The following NTF3 variants were observed in gnomAD, a reference collection of about 807,000 sequenced individuals.
NTF3 encodes the protein neurotrophin-3.
A neutral mutation model predicts 26.3 loss-of-function variants in NTF3; 8 were observed. The observed-to-expected ratio is 0.30, with a 90% CI of 0.18 to 0.55. The LOEUF is 0.55. Among genes scored for constraint, NTF3 ranks in the 20% least tolerant of loss-of-function variants. The pLI is 0.93. For synonymous variants in NTF3, 154 were observed against 145.5 expected, an observed-to-expected ratio of 1.06 and a Z score of -0.42; for missense variants, 276 against 352.9, an observed-to-expected ratio of 0.78 and a Z score of 1.75.
chr12:5,442,220 AG>A (rs1421633049), intron 1 of NTF3, among the ~76,000 whole-genome samples: 1 of 152,204 alleles, frequency 6.6e-6, no homozygotes, highest in Non-Finnish European at 1.5e-5. Context: ...GTTGTTTTTT[AG>A]TACAAACCAT....
chr12:5,488,918 A>G (rs1940900920), intron 1 of NTF3, among the ~76,000 whole-genome samples: 1 of 152,214 alleles, frequency 6.6e-6, no homozygotes, highest in Admixed American at 6.5e-5. Context: ...TTGAATTTGC[A>G]TATTAAAAAT....
At chr12:5,455,252 C>A (rs959832258) in intron 1 of NTF3, among the ~76,000 whole-genome samples, 1 of 152,204 alleles carries the variant, frequency 6.6e-6, no homozygotes, top group Admixed American at 6.5e-5. Flanking sequence ...CACACGCAAG[C>A]GTGCTACTCC....
At chr12:5,490,394 C>A (rs1017861543) in intron 1 of NTF3, among the ~76,000 whole-genome samples, 1 of 152,230 alleles carries the variant, frequency 6.6e-6, no homozygotes, top group Non-Finnish European at 1.5e-5. Flanking sequence ...AGAGAAGGCA[C>A]ACCAACAATA....
rs1293164852 is a variant in NTF3 at position 5,494,756 on chromosome 12, C to A, written c.581C>A (p.Thr194Lys). 6.2e-7 allele frequency: 1 copy of A among 1,614,126 alleles called. No homozygotes were observed. Among genetic ancestry groups the A allele is most frequent in the Admixed American group, 1.7e-5 (1 of 60,014 alleles). Reference protein sequence around the residue: ...HQVTVLGEIKTGNSPVKQYFY... With the variant: ...HQVTVLGEIKKGNSPVKQYFY... The stretch of plus-strand genomic sequence containing the variant: ...GTCACGGTGCTGGGGGAGATCAAAA[C>A]GGGCAACTCTCCCGTCAAACAATAT... Residue 194 changes from threonine (T) to lysine (K), a missense_variant, in exon 2 of 2, where the codon ACG becomes AAG. By Grantham distance (78) the Thr-to-Lys change is moderately conservative (BLOSUM62 -1). Coordinates refer to ENST00000423158, the MANE Select transcript of NTF3 (RefSeq NM_001102654.2). The surrounding 1 kb of genome is among the most constrained non-coding windows in gnomAD (Gnocchi z 8.3).
chr12:5,465,845 A>G lies in NTF3; in HGVS notation c.19-28349A>G, dbSNP rs80112313. Among the ~76,000 whole-genome samples, 1,413 of 152,320 alleles carry G rather than the reference A, an allele frequency of 9.3e-3. 23 individuals carry two copies. The highest frequency in any genetic ancestry group is 0.033 in the African/African-American group (1,354 of 41,572). On this transcript the variant is annotated intron_variant, in intron 1 of 1. Coordinates refer to ENST00000423158, the MANE Select transcript of NTF3 (RefSeq NM_001102654.2). ...CAGCTCCACCAAGGACTTGGCATCT[A>G]TCTTACTGCAGCATCCGTGCCTGTC...
chr12:5,453,673 T>C (rs562802530), intron 1 of NTF3, among the ~76,000 whole-genome samples: 1 of 152,362 alleles, frequency 6.6e-6, no homozygotes, highest in Admixed American at 6.5e-5. Context: ...TTGCCTAGTC[T>C]CATGCTCCTT....
chr12:5,442,444 A>G (rs1424467127), intron 1 of NTF3, among the ~76,000 whole-genome samples: 1 of 152,252 alleles, frequency 6.6e-6, no homozygotes, highest in Non-Finnish European at 1.5e-5. Context: ...GTAGGTGTGC[A>G]TGCTCACCAG....
intron 1 of NTF3, among the ~76,000 whole-genome samples, chr12:5,446,603 G>A (rs1051201855): frequency 2.0e-5 from 3 of 152,186 alleles, no homozygotes; most frequent in African/African-American, 7.2e-5. Context: ...CAGCCAGGGA[G>A]TAGAGGTTCA....
At position 5,433,173 on chromosome 12, in the gene NTF3, T is replaced by A. The variant is rs1328932121; in HGVS notation, c.18+831T>A. On this transcript the variant is annotated intron_variant, in intron 1 of 1. Transcript: ENST00000423158. This position sits in a 1 kb window ranked among gnomAD's most constrained non-coding sequence, Gnocchi z 4.6. ...TGGGCCTTTGCGCAGATGTTGGAGC[T>A]CCGTACGCAGCCCGCACATCTGGGA... 6.6e-6 allele frequency: 1 copy of A among 152,126 alleles called. No homozygotes were observed. The highest frequency in any genetic ancestry group is 1.5e-5 in the Non-Finnish European group (1 of 68,032). 9.4% of individuals were successfully genotyped at this position (152,126 alleles called of 1,614,324 possible).
chr12:5,485,363 C>T (rs552997223), intron 1 of NTF3, among the ~76,000 whole-genome samples: 3 of 152,242 alleles, frequency 2.0e-5, no homozygotes, highest in Admixed American at 6.5e-5. Flanking sequence ...AGAGATATTC[C>T]GCAGTATTAG....
intron 1 of NTF3, among the ~76,000 whole-genome samples, chr12:5,491,716 C>CT (rs5796156): frequency 0.24 from 23,680 of 98,218 alleles, 3,307 homozygotes; most frequent in Non-Finnish European, 0.27. Context: ...CTCTCCTCTT[C>CT]TTTTTTTTTT....
intron 1 of NTF3, among the ~76,000 whole-genome samples, chr12:5,481,962 C>A (rs569063474): frequency 6.6e-4 from 100 of 152,138 alleles, no homozygotes; most frequent in African/African-American, 2.4e-3. Context: ...ACAGCACACA[C>A]ACACACAGAG....
chr12:5,434,011 G>C lies in NTF3; in HGVS notation c.18+1669G>C, dbSNP rs553487938. On this transcript the variant is annotated intron_variant, in intron 1 of 1. Transcript: ENST00000423158. ...CAGCGAACGAGGAGAACATGGAAGC[G>C]CTCTGTCCTAAACGTCAGGATGGGA... Among the ~76,000 whole-genome samples the C allele has an allele frequency of 2.0e-5, 3 of 152,316 alleles. No individual in the cohort carries two copies. The East Asian group carries it at 5.8e-4, about 29-fold the overall frequency.
rs562244074 is a variant in NTF3, at chr12:5,471,812, T to A, written c.19-22382T>A. 7.9e-5 allele frequency among the ~76,000 whole-genome samples: 12 copies of A among 152,044 alleles called. No homozygotes were observed. The South Asian group carries it at 2.5e-3, about 32-fold the overall frequency. Reference sequence around the variant, plus strand: ...AGACAGATCTCTTCCTAGCAGAAAGTAGAAAGTGGGCTTCAGGCATCCTGG... The same window carrying A: ...AGACAGATCTCTTCCTAGCAGAAAGAAGAAAGTGGGCTTCAGGCATCCTGG... On this transcript the variant is annotated intron_variant, in intron 1 of 1. Coordinates refer to ENST00000423158, the MANE Select transcript of NTF3 (RefSeq NM_001102654.2).
chr12:5,475,699 G>A (rs1012325304), intron 1 of NTF3, among the ~76,000 whole-genome samples: 4 of 152,036 alleles, frequency 2.6e-5, no homozygotes, highest in Non-Finnish European at 4.4e-5. Context: ...AGCTGGGCTT[G>A]TGGTGCATTC....
At position 5,495,081 on chromosome 12, in the gene NTF3, G is replaced by A; in HGVS notation, c.*93G>A. 1 of 1,333,854 alleles carries A rather than the reference G, an allele frequency of 7.5e-7. No homozygotes were observed. The highest frequency in any genetic ancestry group is 1.0e-6 in the Non-Finnish European group (1 of 971,180). 82.6% of individuals were successfully genotyped at this position (1,333,854 alleles called of 1,614,324 possible). Reference sequence around the variant, plus strand: ...TTTATATTGTTTTTATATATTATAAGTTGACCTTTATTTATTAAACTTCAG... The same window carrying A: ...TTTATATTGTTTTTATATATTATAAATTGACCTTTATTTATTAAACTTCAG... On this transcript the variant is annotated 3_prime_UTR_variant, in exon 2 of 2. Coordinates refer to ENST00000423158, the MANE Select transcript of NTF3 (RefSeq NM_001102654.2).
rs114712123 is a variant in NTF3, at chr12:5,433,678, G to A, written c.18+1336G>A. The stretch of plus-strand genomic sequence containing the variant: ...CTGGAATCGAGGCTGGGGTGGGATT[G>A]CCGGTGGGGGAAACACCGAAAAGAT... On this transcript the variant is annotated intron_variant, in intron 1 of 1. Coordinates refer to ENST00000423158, the MANE Select transcript of NTF3 (RefSeq NM_001102654.2). This position sits in a 1 kb window ranked among gnomAD's most constrained non-coding sequence, Gnocchi z 4.6. 2.0e-3 allele frequency among the ~76,000 whole-genome samples: 299 copies of A among 152,246 alleles called. 2 individuals are homozygous for A. The highest frequency in any genetic ancestry group is 6.8e-3 in the African/African-American group (284 of 41,560).
chr12:5,492,258 C>T (rs1377652967), intron 1 of NTF3, among the ~76,000 whole-genome samples: 1 of 152,208 alleles, frequency 6.6e-6, no homozygotes, highest in African/African-American at 2.4e-5. Context: ...CTACCTGGGA[C>T]CTCCCCTCAC....
At chr12:5,464,818 A>C (rs1323119451) in intron 1 of NTF3, among the ~76,000 whole-genome samples, 1 of 152,164 alleles carries the variant, frequency 6.6e-6, no homozygotes, top group Non-Finnish European at 1.5e-5. Flanking sequence ...TATGTGCTTG[A>C]TATAGGTGTT....
Sources: allele counts gnomAD v4.1 joint callset (sites outside exome capture counted in the v4.1 genomes callset), GRCh38; gene constraint gnomAD v4.1.1; non-coding constraint Gnocchi (gnomAD v3.1); transcripts MANE v1.5; gene names NCBI Gene and HGNC (gene_info 2026-07-23, HGNC 2026-07-21).